COX6B1: variants seen among roughly 807,000 people sequenced by gnomAD.
The protein encoded by COX6B1 is cytochrome c oxidase subunit 6B1, also known as COX VIb-1.
Under a neutral mutation model 14.0 loss-of-function variants are expected in COX6B1, and 2 were observed. The ratio of observed to expected loss-of-function variants is 0.14; its 90% CI spans 0.06 to 0.45. The LOEUF (loss-of-function observed/expected upper bound fraction) is 0.45, where lower values mean the gene tolerates loss of function less well. Ranked by LOEUF, COX6B1 falls within the 20% of genes least tolerant of loss-of-function variation. The pLI, the probability that COX6B1 is intolerant of heterozygous loss-of-function variation, is 0.98. For synonymous variants in COX6B1, 30 were observed against 39.7 expected (o/e 0.76, Z 0.92); for missense variants, 81 against 114.2 (o/e 0.71, Z 1.33).
At chr19:35,657,024 A>T (rs752958333) in intron 3 of COX6B1, among the ~76,000 whole-genome samples, 23 of 152,102 alleles carry the variant, frequency 1.5e-4, no homozygotes, top group Non-Finnish European at 2.4e-4. Flanking sequence ...GGCACCAGGG[A>T]TGAGCTTCAT....
chr19:35,656,184 G>C (rs1169152497), intron 3 of COX6B1, among the ~76,000 whole-genome samples: 14 of 152,280 alleles, frequency 9.2e-5, no homozygotes, highest in African/African-American at 3.4e-4. Context: ...CACATCTAGG[G>C]ATGCTACAAA....
chr19:35,654,711 G>C, intron 3 of COX6B1, 40 bp downstream of exon 3: 2 of 1,584,302 alleles, frequency 1.3e-6, no homozygotes, highest in Non-Finnish European at 1.7e-6. Flanking sequence ...TGCTGGGGTG[G>C]GGTCTTAGCA....
intron 3 of COX6B1, among the ~76,000 whole-genome samples, chr19:35,655,122 T>G (rs1967873332): frequency 6.6e-6 from 1 of 151,436 alleles, no homozygotes; most frequent in South Asian, 2.1e-4. Context: ...CTCCGCCTCC[T>G]GGGTTCAAGC....
rs570455289 is a variant in COX6B1, at chr19:35,655,442, G to C, written c.207+771G>C. 3.9e-5 allele frequency among the ~76,000 whole-genome samples: 6 copies of C among 152,022 alleles called. No homozygotes were observed. In the East Asian group the frequency reaches 9.7e-4, roughly 24 times the overall value. On this transcript the variant is annotated intron_variant, in intron 3 of 3. Transcript: ENST00000649813. ...ACGGTTTCTTCATCTACCCCTTTTC[G>C]TTTTCTTCTTTCCTTTGCTGAAGTA...
intron 3 of COX6B1, among the ~76,000 whole-genome samples, chr19:35,655,755 GTCTCTCTCTCTCTC>G (rs3038413): frequency 6.9e-6 from 1 of 145,964 alleles, no homozygotes; most frequent in African/African-American, 2.5e-5. Flanking sequence ...CACTGTGCCT[GTCTCTCTCTCTCTC>G]TCTCTCTCTC....
At chr19:35,652,087 T>G (rs1967830698) in intron 2 of COX6B1, among the ~76,000 whole-genome samples, 1 of 151,410 alleles carries the variant, frequency 6.6e-6, no homozygotes, top group African/African-American at 2.4e-5. Context: ...TGGAGTGCAA[T>G]GGTGCAATCT....
rs80116023 is a variant in COX6B1, at chr19:35,657,982, G to A, written c.208-612G>A. ...TATTTTTTATTTTTTGTAGAGATGGGGGTCTTGCCGTGTTGTCCAGGTTGG... is the reference window on the plus strand; with the variant it reads ...TATTTTTTATTTTTTGTAGAGATGGAGGTCTTGCCGTGTTGTCCAGGTTGG... On this transcript the variant is annotated intron_variant, in intron 3 of 3. Coordinates refer to ENST00000649813, the MANE Select transcript of COX6B1 (RefSeq NM_001863.5). Among the ~76,000 whole-genome samples, 590 of 152,068 alleles carry A rather than the reference G, an allele frequency of 3.9e-3. 32 individuals are homozygous for A. The East Asian group carries it at 0.1, about 27-fold the overall frequency.
Position 35,658,548 on chromosome 19 carries a change from C to T in COX6B1, c.208-46C>T, listed in dbSNP as rs3761090. On this transcript the variant is annotated intron_variant, in intron 3 of 3. Coordinates refer to ENST00000649813, the MANE Select transcript of COX6B1 (RefSeq NM_001863.5). The stretch of plus-strand genomic sequence containing the variant: ...AAGTGAGGAAGATAAGAAGTCCATC[C>T]GTTCAGTTTCCCCACTGCGGAGGGA... 3.7e-3 allele frequency: 5,756 copies of T among 1,551,956 alleles called. 314 individuals carry two copies. The East Asian group carries it at 0.11, about 31-fold the overall frequency.
In COX6B1 at chr19:35,658,225, G is replaced by GT. The variant is rs200839110; in HGVS notation, c.208-361dup. Among the ~76,000 whole-genome samples, 8 of 151,938 alleles carry GT rather than the reference G, an allele frequency of 5.3e-5. No homozygotes were observed. The East Asian group carries it at 1.4e-3, about 26-fold the overall frequency. Reference sequence around the variant, plus strand: ...TCATGCCAGAACATAAATCAGCCTCGTTTTTTTTCACAGCTGCCTGCTATT... The same window carrying GT: ...TCATGCCAGAACATAAATCAGCCTCGTTTTTTTTTCACAGCTGCCTGCTATT... On this transcript the variant is annotated intron_variant, in intron 3 of 3. Transcript: ENST00000649813.
At chr19:35,651,844 T>A (rs1418117966) in intron 2 of COX6B1, among the ~76,000 whole-genome samples, 1 of 151,802 alleles carries the variant, frequency 6.6e-6, no homozygotes, top group Non-Finnish European at 1.5e-5. Context: ...GGATTATAGG[T>A]GTGAGCCACC....
At chr19:35,657,894 C>T (rs147108518) in intron 3 of COX6B1, among the ~76,000 whole-genome samples, 64 of 152,052 alleles carry the variant, frequency 4.2e-4, no homozygotes, top group Middle Eastern at 3.4e-3. Context: ...TGGGCTCAAG[C>T]GATCCTCCCA....
chr19:35,658,175 CTATG>C (rs1198075525), intron 3 of COX6B1, among the ~76,000 whole-genome samples: 1 of 152,150 alleles, frequency 6.6e-6, no homozygotes, highest in Non-Finnish European at 1.5e-5. Context: ...TTGCACTTGA[CTATG>C]TATCTTGAAG....
At chr19:35,653,433 C>T (rs572801738) in intron 2 of COX6B1, among the ~76,000 whole-genome samples, 2 of 148,844 alleles carry the variant, frequency 1.3e-5, no homozygotes, top group East Asian at 2.0e-4. Flanking sequence ...CCACCATGCC[C>T]GGCTAATTTT....
intron 1 of COX6B1, chr19:35,648,633 T>C (rs1053061828): frequency 8.5e-6 from 3 of 351,376 alleles, no homozygotes; most frequent in African/African-American, 6.4e-5. Context: ...CCACCAGCCC[T>C]ATGAGATAGG....
chr19:35,657,672 T>TTA (rs1555720507), intron 3 of COX6B1, among the ~76,000 whole-genome samples: 2 of 149,556 alleles, frequency 1.3e-5, no homozygotes, highest in Non-Finnish European at 3.0e-5. Context: ...TTTTTTTTTT[T>TTA]AGAGACAGTC....
At chr19:35,650,157 C>A (rs555040211) in intron 1 of COX6B1, among the ~76,000 whole-genome samples, 1 of 152,096 alleles carries the variant, frequency 6.6e-6, no homozygotes, top group Admixed American at 6.6e-5. Context: ...GCACCTGCCA[C>A]CACACCCAGC....
chr19:35,658,548 C>A (rs3761090), intron 3 of COX6B1, 46 bp from the exon 4 acceptor site: 1 of 1,551,956 alleles, frequency 6.4e-7, no homozygotes, highest in Non-Finnish European at 8.9e-7. Flanking sequence ...GAAGTCCATC[C>A]GTTCAGTTTC....
At chr19:35,651,144 C>G in intron 1 of COX6B1, 89 bp from the exon 2 acceptor site, 1 of 806,484 alleles carries the variant, frequency 1.2e-6, no homozygotes, top group Non-Finnish European at 2.2e-6. Context: ...CCCATTGTTC[C>G]GTGCCTGCCC....
chr19:35,655,323 C>T (rs1967876980), intron 3 of COX6B1, among the ~76,000 whole-genome samples: 2 of 152,108 alleles, frequency 1.3e-5, no homozygotes, highest in Admixed American at 6.6e-5. Flanking sequence ...CCACCGTGCC[C>T]GGCCCTATTA....
Sources: gnomAD v4.1 joint callset for allele counts (sites outside exome capture counted in the v4.1 genomes callset) on GRCh38, gnomAD v4.1.1 for gene constraint, MANE v1.5 for transcripts, NCBI Gene and HGNC (gene_info 2026-07-23, HGNC 2026-07-21) for gene names.